PLPP4: variants seen among roughly 807,000 people sequenced by gnomAD.
The protein encoded by PLPP4 is diacylglycerol pyrophosphate like 2.
PLPP4 carries 20 observed loss-of-function variants against 32.2 expected under a neutral mutation model. The ratio of observed to expected loss-of-function variants is 0.62; its 90% CI spans 0.44 to 0.90. The LOEUF (loss-of-function observed/expected upper bound fraction) is 0.90, where lower values mean the gene tolerates loss of function less well. Ranked by LOEUF, PLPP4 falls within the 40% of genes least tolerant of loss-of-function variation. PLPP4 has a pLI of 0.00. For missense variants in PLPP4, 257 were observed against 353.1 expected (o/e 0.73, Z 2.18); for synonymous variants, 127 against 133.0 (o/e 0.95, Z 0.31).
At chr10:120,559,496 G>C (rs543846969) in intron 5 of PLPP4, among the ~76,000 whole-genome samples, 3 of 152,258 alleles carry the variant, frequency 2.0e-5, no homozygotes, top group Admixed American at 2.0e-4. Context: ...CTGCCCTGAA[G>C]TCACCAGAAT....
intron 6 of PLPP4, among the ~76,000 whole-genome samples, chr10:120,577,267 A>T (rs975526264): frequency 2.6e-5 from 4 of 152,034 alleles, no homozygotes; most frequent in African/African-American, 9.7e-5. Context: ...TCGGGGAATG[A>T]TTGGGGGTTT....
Position 120,575,117 on chromosome 10 carries a change from T to C in PLPP4, c.446-14T>C. 1 of 1,609,814 alleles carries C rather than the reference T, an allele frequency of 6.2e-7. No homozygotes were observed. Among genetic ancestry groups the C allele is most frequent in the East Asian group, 2.2e-5 (1 of 44,818 alleles). ...CCACCTGCTAGAGTAACACCTGCTG[T>C]TTCTGTTTGGCAGTTGCCTTTTCGG... is the stretch of plus-strand genomic sequence containing the variant. On this transcript the variant is annotated splice_polypyrimidine_tract_variant and intron_variant, in intron 5 of 6. Transcript: ENST00000398250.
rs768298628 is a variant in PLPP4 at position 120,521,047 on chromosome 10, G to T, written c.397G>T (p.Asp133Tyr). The change falls in exon 5 of 7, where the codon GAT becomes TAT. Residue 133 changes from aspartate to tyrosine, a missense_variant. By Grantham distance (160) the Asp-to-Tyr change is radical (BLOSUM62 -3). Transcript: ENST00000398250. ...GGAAATGCATTGCACAGGTGACCCC[G>T]ATCTGGTGTCCGAGGGCCGCAAAAG... The part of the protein sequence containing the change: ...NSEMHCTGDP[D>Y]LVSEGRKSFP... 5 of 1,614,038 alleles carry T rather than the reference G, an allele frequency of 3.1e-6. No homozygotes were observed. Among genetic ancestry groups the T allele is most frequent in the Non-Finnish European group, 4.2e-6 (5 of 1,179,998 alleles).
chr10:120,525,163 G>T (rs1368141503), intron 5 of PLPP4, among the ~76,000 whole-genome samples: 1 of 152,040 alleles, frequency 6.6e-6, no homozygotes, highest in Non-Finnish European at 1.5e-5. Context: ...CTTTACAATG[G>T]CCATGTTGAG....
chr10:120,500,423 T>C lies in PLPP4; in HGVS notation c.57-3395T>C, dbSNP rs139877998. ...GAGGTGGCTGCAGCCATATCCCTCA[T>C]CCACCTGCTTTTCTATAGTAAGAAC... On this transcript the variant is annotated intron_variant, in intron 1 of 6. Transcript: ENST00000398250. 3.4e-4 allele frequency among the ~76,000 whole-genome samples: 51 copies of C among 152,224 alleles called. No homozygotes were observed. The East Asian group carries it at 8.5e-3, about 25-fold the overall frequency.
chr10:120,538,388 A>ACCAATG (rs1288650958), intron 5 of PLPP4, among the ~76,000 whole-genome samples: 1 of 151,886 alleles, frequency 6.6e-6, no homozygotes, highest in African/African-American at 2.4e-5. Flanking sequence ...GATGATTCAG[A>ACCAATG]CCAATGCTTC....
chr10:120,494,751 T>C (rs1844886459), intron 1 of PLPP4, among the ~76,000 whole-genome samples: 1 of 152,192 alleles, frequency 6.6e-6, no homozygotes, highest in Non-Finnish European at 1.5e-5. Context: ...TAGGAGCAAC[T>C]TCTTGGGGTC....
intron 5 of PLPP4, among the ~76,000 whole-genome samples, chr10:120,526,530 A>G (rs1015103031): frequency 6.6e-6 from 1 of 152,130 alleles, no homozygotes; most frequent in Non-Finnish European, 1.5e-5. Flanking sequence ...TGCCTGGTGT[A>G]TGTGAACCTG....
At chr10:120,556,988 C>G (rs1349107685) in intron 5 of PLPP4, among the ~76,000 whole-genome samples, 2 of 152,032 alleles carry the variant, frequency 1.3e-5, no homozygotes, top group Non-Finnish European at 2.9e-5. Flanking sequence ...GGCTGTTTTC[C>G]TCCTCAAAAC....
At chr10:120,538,052 C>CTG (rs972974599) in intron 5 of PLPP4, among the ~76,000 whole-genome samples, 202 of 18,984 alleles carry the variant, frequency 0.011, 6 homozygotes, top group African/African-American at 0.025. Context: ...CTCTCTCTCT[C>CTG]TGTGTGTGTG....
chr10:120,582,793 C>CCCTT (rs1392640629), intron 6 of PLPP4, among the ~76,000 whole-genome samples: 2 of 121,382 alleles, frequency 1.6e-5, no homozygotes, highest in Non-Finnish European at 3.4e-5. Flanking sequence ...CTCCCTCCCT[C>CCCTT]CCTCCCTCCC....
upstream of PLPP4, chr10:120,457,199 G>A (rs1847815858): frequency 1.2e-6 from 1 of 826,662 alleles, no homozygotes; most frequent in Admixed American, 4.7e-5. Flanking sequence ...CCCGCGGCCT[G>A]GAGCGCGCCT....
chr10:120,460,735 A>G (rs1848004572), intron 1 of PLPP4, among the ~76,000 whole-genome samples: 1 of 152,232 alleles, frequency 6.6e-6, no homozygotes, highest in Non-Finnish European at 1.5e-5. Context: ...CATAAAAAAT[A>G]GCAGCCAGTT....
chr10:120,545,477 T>C (rs1395176934), intron 5 of PLPP4, among the ~76,000 whole-genome samples: 1 of 152,174 alleles, frequency 6.6e-6, no homozygotes, highest in Non-Finnish European at 1.5e-5. Context: ...TACCTTCTCA[T>C]AGCAGGCCCA....
intron 5 of PLPP4, among the ~76,000 whole-genome samples, chr10:120,565,328 G>C (rs1405168652): frequency 1.6e-5 from 2 of 128,378 alleles, no homozygotes; most frequent in Non-Finnish European, 3.5e-5. Context: ...GTGTGTGTGT[G>C]TGTGTGTGTG....
intron 5 of PLPP4, among the ~76,000 whole-genome samples, chr10:120,522,490 C>T (rs1159989083): frequency 6.6e-6 from 1 of 152,210 alleles, no homozygotes; most frequent in Non-Finnish European, 1.5e-5. Flanking sequence ...ACAGGAATAG[C>T]TGTAGGTACC....
At position 120,589,397 on chromosome 10, in the gene PLPP4, C is replaced by T; in HGVS notation, c.711C>T (p.Pro237=). Residue 237 remains proline (P), a synonymous_variant, in exon 7 of 7, where the codon CCC becomes CCT. Transcript: ENST00000398250. ...TGGCCAACACAGCTTGCCATAAACC[C>T]TACGTTAGTCTGCGAGTCCCAGCCT... ...PPLANTACHK[P]YVSLRVPASL... 6.2e-7 allele frequency: 1 copy of T among 1,614,134 alleles called. No individual in the cohort carries two copies. Among genetic ancestry groups the T allele is most frequent in the Non-Finnish European group, 8.5e-7 (1 of 1,180,014 alleles).
chr10:120,510,914 A>G (rs1845700571), intron 2 of PLPP4, among the ~76,000 whole-genome samples: 1 of 152,148 alleles, frequency 6.6e-6, no homozygotes, highest in East Asian at 1.9e-4. Context: ...TGAGAGGAGG[A>G]AACAAGCCAC....
At chr10:120,504,802 G>T (rs1845418555) in intron 2 of PLPP4, among the ~76,000 whole-genome samples, 1 of 152,186 alleles carries the variant, frequency 6.6e-6, no homozygotes, top group South Asian at 2.1e-4. Flanking sequence ...GCCAAATGAA[G>T]GTACCCAGAT....
Sources: allele counts gnomAD v4.1 joint callset (sites outside exome capture counted in the v4.1 genomes callset), GRCh38; gene constraint gnomAD v4.1.1; transcripts MANE v1.5; gene names NCBI Gene and HGNC (gene_info 2026-07-23, HGNC 2026-07-21).